The following CACNA2D2 variants were observed in gnomAD, a reference collection of about 807,000 sequenced individuals.
The protein encoded by CACNA2D2 is voltage-dependent calcium channel subunit alpha-2/delta-2.
Under a neutral mutation model 166.4 loss-of-function variants are expected in CACNA2D2, and 48 were observed. That is an observed-to-expected ratio of 0.29 (90% CI 0.23 to 0.37). CACNA2D2 has a LOEUF of 0.37. CACNA2D2 is among the 10% of genes least tolerant of loss of function. CACNA2D2 has a pLI of 1.00. For synonymous variants in CACNA2D2, 561 were observed against 573.7 expected (o/e 0.98, Z 0.32); for missense variants, 1,122 against 1,433.0 (o/e 0.78, Z 3.50).
Position 50,380,693 on chromosome 3 carries a change from G to A in CACNA2D2, c.842+55C>T, listed in dbSNP as rs1705255881. 2.2e-6 allele frequency: 3 copies of A among 1,366,102 alleles called. No homozygotes were observed. The highest frequency in any genetic ancestry group is 5.9e-5 in the Admixed American group (2 of 34,068). 84.6% of individuals were successfully genotyped at this position (1,366,102 alleles called of 1,614,324 possible). A position where few individuals can be genotyped will look rare whatever the true frequency, so the allele number is the denominator to read the frequency against. On this transcript the variant is annotated intron_variant, in intron 8 of 37. Coordinates refer to ENST00000424201, the MANE Select transcript of CACNA2D2 (RefSeq NM_006030.4). This position sits in a 1 kb window ranked among gnomAD's most constrained non-coding sequence, Gnocchi z 4.9. ...AAATGGGGAGGGAGGGGAGCAGGCA[G>A]GAAAGGTGGGGAACTGAGGGGGTGT...
At chr3:50,424,825 G>T (rs1473180828) in intron 3 of CACNA2D2, among the ~76,000 whole-genome samples, 1 of 152,108 alleles carries the variant, frequency 6.6e-6, no homozygotes, top group East Asian at 1.9e-4. Context: ...CCCCTGCCCG[G>T]GTCACCATGG....
intron 3 of CACNA2D2, among the ~76,000 whole-genome samples, chr3:50,422,026 G>A (rs1209597269): frequency 6.6e-6 from 1 of 152,086 alleles, no homozygotes; most frequent in Non-Finnish European, 1.5e-5. Context: ...CCTGCAGTCT[G>A]CTCCCGCCAG....
chr3:50,379,787 T>G lies in CACNA2D2; in HGVS notation c.931A>C (p.Lys311Gln). The change falls in exon 10 of 38, where the codon AAG (lysine) becomes CAG (glutamine). Residue 311 changes from lysine to glutamine, a missense_variant. Coordinates refer to ENST00000424201, the MANE Select transcript of CACNA2D2 (RefSeq NM_006030.4). This position sits in a 1 kb window ranked among gnomAD's most constrained non-coding sequence, Gnocchi z 6.5. ...TCCAGCATCTCGCAGACAGATGTCT[T>G]CATCAGCTTCAGGGTCAGGCCGCTC... ...SVSGLTLKLMKTSVCEMLDTL... is the reference protein window; with the variant it reads ...SVSGLTLKLMQTSVCEMLDTL... 6.2e-7 allele frequency: 1 copy of G among 1,613,860 alleles called. No homozygotes were observed.
chr3:50,489,815 G>A (rs1698448954), intron 1 of CACNA2D2, among the ~76,000 whole-genome samples: 2 of 152,104 alleles, frequency 1.3e-5, no homozygotes, highest in African/African-American at 2.4e-5. Flanking sequence ...TGGCAGGGGA[G>A]CCTGGGGGCC....
intron 5 of CACNA2D2, among the ~76,000 whole-genome samples, chr3:50,387,041 G>A (rs1705644670): frequency 6.6e-6 from 1 of 152,184 alleles, no homozygotes; most frequent in South Asian, 2.1e-4. Context: ...CATGGAGGCA[G>A]AAGGGTGGTG....
intron 3 of CACNA2D2, among the ~76,000 whole-genome samples, chr3:50,408,358 G>C (rs543435021): frequency 2.6e-5 from 4 of 152,234 alleles, no homozygotes; most frequent in African/African-American, 9.6e-5. Flanking sequence ...GGATGTGGAC[G>C]CCTGAGGCTC....
chr3:50,468,380 AGTGTGTGTGTGTGTGTGTGTGTGT>A (rs3220659), intron 2 of CACNA2D2, among the ~76,000 whole-genome samples: 71 of 83,174 alleles, frequency 8.5e-4, no homozygotes, highest in Admixed American at 4.5e-3. Context: ...TCATCAGAAT[AGTGTGTGTGTGTGTGTGTGTGTGT>A]GTGTGTGTGT....
intron 4 of CACNA2D2, 105 bp from the exon 5 acceptor site, chr3:50,387,717 G>C: frequency 2.3e-6 from 2 of 876,916 alleles, no homozygotes; most frequent in Non-Finnish European, 3.6e-6. Context: ...CTCTGGGGCA[G>C]AGACTGTCCC....
intron 1 of CACNA2D2, among the ~76,000 whole-genome samples, chr3:50,493,949 C>T (rs538074786): frequency 6.6e-6 from 1 of 152,228 alleles, no homozygotes; most frequent in South Asian, 2.1e-4. Flanking sequence ...CTTCAAGTGT[C>T]CCAGATAGTC....
intron 2 of CACNA2D2, among the ~76,000 whole-genome samples, chr3:50,466,883 A>C (rs1709848375): frequency 6.6e-6 from 1 of 152,194 alleles, no homozygotes; most frequent in Non-Finnish European, 1.5e-5. Flanking sequence ...CTGTACCCGA[A>C]AGATGCAAAA....
intron 3 of CACNA2D2, among the ~76,000 whole-genome samples, chr3:50,420,631 G>T (rs975369581): frequency 6.6e-6 from 1 of 152,162 alleles, no homozygotes; most frequent in African/African-American, 2.4e-5. Flanking sequence ...AGAGTGGGAG[G>T]GTGTGGGGGC....
chr3:50,468,569 G>A (rs181288212), intron 2 of CACNA2D2, among the ~76,000 whole-genome samples: 61 of 152,264 alleles, frequency 4.0e-4, no homozygotes, highest in Non-Finnish European at 5.7e-4. Context: ...AGGCAGAGCA[G>A]TGCTGTCTGC....
chr3:50,464,061 C>T (rs1410477929), intron 2 of CACNA2D2, among the ~76,000 whole-genome samples: 1 of 152,200 alleles, frequency 6.6e-6, no homozygotes, highest in Admixed American at 6.5e-5. Context: ...AGGTGAGTAC[C>T]CTGGGAGAAC....
chr3:50,366,786 A>G lies in CACNA2D2; in HGVS notation c.2589+45T>C, dbSNP rs756020755. Reference sequence around the variant, plus strand: ...GTTGGTGGGGGTTCCAGGGGACTCCAGGAAGGGCACTGCTGGGTTACTGCC... The same window carrying G: ...GTTGGTGGGGGTTCCAGGGGACTCCGGGAAGGGCACTGCTGGGTTACTGCC... On this transcript the variant is annotated intron_variant, in intron 29 of 37. Coordinates refer to ENST00000424201, the MANE Select transcript of CACNA2D2 (RefSeq NM_006030.4). This position sits in a 1 kb window ranked among gnomAD's most constrained non-coding sequence, Gnocchi z 5.9. The G allele has an allele frequency of 1.0e-5, 16 of 1,586,518 alleles. No individual in the cohort carries two copies. Among genetic ancestry groups the G allele is most frequent in the Non-Finnish European group, 1.3e-5 (15 of 1,158,372 alleles).
chr3:50,481,802 G>A (rs1376481235), intron 1 of CACNA2D2, among the ~76,000 whole-genome samples: 1 of 152,004 alleles, frequency 6.6e-6, no homozygotes, highest in East Asian at 1.9e-4. Context: ...TTGAGACCAG[G>A]CTGGGCAACA....
intron 2 of CACNA2D2, among the ~76,000 whole-genome samples, chr3:50,470,736 C>T (rs1231199740): frequency 6.6e-6 from 1 of 151,582 alleles, no homozygotes; most frequent in Non-Finnish European, 1.5e-5. Flanking sequence ...AGGCTGCCCC[C>T]AGGTCTGGGC....
chr3:50,418,816 T>C (rs922862005), intron 3 of CACNA2D2, among the ~76,000 whole-genome samples: 4 of 152,244 alleles, frequency 2.6e-5, no homozygotes, highest in Non-Finnish European at 5.9e-5. Context: ...GGGGTTCCCC[T>C]GTTTCTCCCT....
chr3:50,368,604 C>T (rs1704483417), intron 23 of CACNA2D2, among the ~76,000 whole-genome samples: 1 of 152,208 alleles, frequency 6.6e-6, no homozygotes, highest in Admixed American at 6.5e-5. Context: ...CCATGGGCAC[C>T]AGATGGGACC....
rs1299542004 is a variant in CACNA2D2, at chr3:50,367,943, T to A, written c.2144-41A>T. On this transcript the variant is annotated intron_variant, in intron 24 of 37. Transcript: ENST00000424201. The surrounding 1 kb of genome is among the most constrained non-coding windows in gnomAD (Gnocchi z 6.5). ...AGGGGTGGGGGTGGGGGCATCTTCT[T>A]GCAGCTCCTTGCCCACCCTCACCCC... is the stretch of plus-strand genomic sequence containing the variant. 4 of 1,361,994 alleles carry A rather than the reference T, an allele frequency of 2.9e-6. No individual in the cohort carries two copies. The highest frequency in any genetic ancestry group is 1.8e-5 in the Admixed American group (1 of 54,180). The allele number at this position is 1,361,994 out of a possible 1,614,324, so 84.4% of individuals were successfully genotyped here.
Sources: gnomAD v4.1 joint callset for allele counts (sites outside exome capture counted in the v4.1 genomes callset) on GRCh38, gnomAD v4.1.1 for gene constraint, Gnocchi (gnomAD v3.1) non-coding constraint, MANE v1.5 for transcripts, NCBI Gene and HGNC (gene_info 2026-07-23, HGNC 2026-07-21) for gene names.